The following COL14A1 variants were observed in gnomAD, a reference collection of about 807,000 sequenced individuals.
COL14A1 encodes the protein collagen alpha-1(XIV) chain.
In COL14A1, 136 loss-of-function variants were observed where a neutral mutation model predicts 230.3. The observed-to-expected ratio is 0.59, with a 90% CI of 0.51 to 0.68. The LOEUF is 0.68. Among genes scored for constraint, COL14A1 ranks in the 30% least tolerant of loss-of-function variants. The pLI is 0.00. For synonymous variants in COL14A1, 792 were observed against 784.1 expected, an observed-to-expected ratio of 1.01 and a Z score of -0.17; for missense variants, 1,976 against 2,215.8, an observed-to-expected ratio of 0.89 and a Z score of 2.17.
intron 5 of COL14A1, among the ~76,000 whole-genome samples, chr8:120,172,483 C>T (rs1176748880): frequency 6.6e-6 from 1 of 152,078 alleles, no homozygotes; most frequent in African/African-American, 2.4e-5. Flanking sequence ...TTTATACTGA[C>T]TTTCATTCAT....
intron 8 of COL14A1, among the ~76,000 whole-genome samples, 190 bp from the exon 9 acceptor site, chr8:120,203,519 A>C (rs997932203): frequency 2.0e-5 from 3 of 152,200 alleles, no homozygotes; most frequent in Non-Finnish European, 4.4e-5. Context: ...AGATATGACT[A>C]TATTTTTTCA....
At chr8:120,257,253 T>C (rs1819184499) in intron 23 of COL14A1, among the ~76,000 whole-genome samples, 1 of 152,174 alleles carries the variant, frequency 6.6e-6, no homozygotes, top group Non-Finnish European at 1.5e-5. Context: ...CAGCTGAACC[T>C]TTATAGTCTT....
At chr8:120,200,138 T>C (rs1385953825) in intron 8 of COL14A1, among the ~76,000 whole-genome samples, 1 of 134,828 alleles carries the variant, frequency 7.4e-6, no homozygotes, top group Non-Finnish European at 1.6e-5. Flanking sequence ...GTTAACATTT[T>C]CTTTGGCAAT....
rs373150741 is a variant in COL14A1 at position 120,309,948 on chromosome 8, T to C, written c.4402-61T>C. 17 of 1,513,916 alleles carry C rather than the reference T, an allele frequency of 1.1e-5. No individual in the cohort carries two copies. In the African/African-American group the frequency reaches 1.2e-4, roughly 11 times the overall value. 93.8% of individuals were successfully genotyped at this position (1,513,916 alleles called of 1,614,324 possible). A position where few individuals can be genotyped will look rare whatever the true frequency, so the allele number is the denominator to read the frequency against. On this transcript the variant is annotated intron_variant, in intron 36 of 47. Transcript: ENST00000297848. ...AGTTAATTCATACTATTAAGGAAAA[T>C]GAATGAAATACACTGTTTTGAGATT...
intron 32 of COL14A1, among the ~76,000 whole-genome samples, 186 bp from the exon 33 acceptor site, chr8:120,285,675 C>G (rs1820171263): frequency 6.6e-6 from 1 of 152,040 alleles, no homozygotes; most frequent in African/African-American, 2.4e-5. Flanking sequence ...GTGGCTTAAT[C>G]AGTTCATGTA....
intron 19 of COL14A1, among the ~76,000 whole-genome samples, chr8:120,239,478 C>G (rs1818550447): frequency 6.6e-6 from 1 of 152,146 alleles, no homozygotes; most frequent in South Asian, 2.1e-4. Context: ...TACTTCATTT[C>G]TGGCTGATGG....
chr8:120,280,196 A>C (rs551051455), intron 29 of COL14A1, 97 bp downstream of exon 29: 2 of 1,396,476 alleles, frequency 1.4e-6, no homozygotes, highest in Middle Eastern at 2.3e-4. Flanking sequence ...TGAGAAAAGA[A>C]TATTGACTTC....
chr8:120,162,418 T>C lies in COL14A1; in HGVS notation c.206-8T>C, dbSNP rs1265460554. ...TTAGAACTGATTTATTTTTCTCTTT[T>C]ATTATAGGTGGAAAAACTAACCAGC... On this transcript the variant is annotated splice_region_variant and splice_polypyrimidine_tract_variant and intron_variant, in intron 3 of 47. Transcript: ENST00000297848. The C allele has an allele frequency of 1.3e-6, 2 of 1,588,706 alleles. No homozygotes were observed. Among genetic ancestry groups the C allele is most frequent in the South Asian group, 1.2e-5 (1 of 85,344 alleles).
chr8:120,227,508 C>T (rs1347821004), intron 17 of COL14A1, among the ~76,000 whole-genome samples, 156 bp downstream of exon 17: 1 of 152,128 alleles, frequency 6.6e-6, no homozygotes, highest in Non-Finnish European at 1.5e-5. Flanking sequence ...TTCAATGAAA[C>T]CAGTATGTGA....
chr8:120,302,907 T>C (rs972844942), intron 36 of COL14A1, among the ~76,000 whole-genome samples: 1 of 152,200 alleles, frequency 6.6e-6, no homozygotes, highest in African/African-American at 2.4e-5. Flanking sequence ...ATGTCATCTC[T>C]GATTTCTTTG....
At chr8:120,204,205 T>A (rs1294568546) in intron 9 of COL14A1, among the ~76,000 whole-genome samples, 2 of 152,208 alleles carry the variant, frequency 1.3e-5, no homozygotes, top group Non-Finnish European at 1.5e-5. Flanking sequence ...GTTTTCCCAA[T>A]GGTAAAATCT....
At chr8:120,292,849 A>G (rs1820413142) in intron 34 of COL14A1, among the ~76,000 whole-genome samples, 1 of 152,062 alleles carries the variant, frequency 6.6e-6, no homozygotes, top group African/African-American at 2.4e-5. Flanking sequence ...ACCATAATTG[A>G]GTGGAAGATA....
chr8:120,174,230 T>C (rs1816201161), intron 5 of COL14A1, among the ~76,000 whole-genome samples: 1 of 151,436 alleles, frequency 6.6e-6, no homozygotes. Flanking sequence ...TAAGGGAGAA[T>C]TTTACAAGGA....
intron 40 of COL14A1, among the ~76,000 whole-genome samples, chr8:120,319,714 C>T (rs1347331829): frequency 6.6e-6 from 1 of 152,226 alleles, no homozygotes; most frequent in East Asian, 1.9e-4. Context: ...ATCTTTGACT[C>T]TTAGAGGTAG....
At chr8:120,126,641 G>T (rs1407970672) in intron 1 of COL14A1, among the ~76,000 whole-genome samples, 2 of 152,194 alleles carry the variant, frequency 1.3e-5, no homozygotes, top group Non-Finnish European at 2.9e-5. Flanking sequence ...GACAGGGAGG[G>T]CACTTTTTAT....
rs936335746 is a variant in COL14A1 at position 120,341,363 on chromosome 8, A to G, written c.4821+3A>G. The stretch of plus-strand genomic sequence containing the variant: ...CAAAGGGGGAACGAGGAGAGCGGGT[A>G]AGTATCCTGTGGCTCTGCTTTCTGG... On this transcript the variant is annotated splice_donor_region_variant and intron_variant, in intron 43 of 47. Transcript: ENST00000297848. 1.2e-6 allele frequency: 2 copies of G among 1,614,030 alleles called. No homozygotes were observed. Among genetic ancestry groups the G allele is most frequent in the Non-Finnish European group, 1.7e-6 (2 of 1,180,014 alleles).
chr8:120,347,027 C>G (rs1409197860), intron 45 of COL14A1, among the ~76,000 whole-genome samples: 1 of 152,156 alleles, frequency 6.6e-6, no homozygotes, highest in Non-Finnish European at 1.5e-5. Context: ...AATGTGGCCC[C>G]CTCTGTCAGC....
At chr8:120,307,753 T>A (rs1422562284) in intron 36 of COL14A1, among the ~76,000 whole-genome samples, 1 of 152,150 alleles carries the variant, frequency 6.6e-6, no homozygotes, top group Non-Finnish European at 1.5e-5. Context: ...AAATGTAAAG[T>A]TTGATAATAT....
intron 2 of COL14A1, among the ~76,000 whole-genome samples, chr8:120,148,187 C>G (rs945438581): frequency 6.1e-5 from 9 of 146,874 alleles, no homozygotes; most frequent in African/African-American, 2.3e-4. Flanking sequence ...TGCTCTGTAG[C>G]CCAGGTATGA....
Sources: allele counts gnomAD v4.1 joint callset (sites outside exome capture counted in the v4.1 genomes callset), GRCh38; gene constraint gnomAD v4.1.1; transcripts MANE v1.5; gene names NCBI Gene and HGNC (gene_info 2026-07-23, HGNC 2026-07-21).